The following AMPH variants were observed in gnomAD, a reference collection of about 807,000 sequenced individuals.
The protein encoded by AMPH is amphiphysin.
A neutral mutation model predicts 99.1 loss-of-function variants in AMPH; 49 were observed. The ratio of observed to expected loss-of-function variants is 0.49; its 90% confidence interval spans 0.39 to 0.63. AMPH has a LOEUF of 0.63. Among genes scored for constraint, AMPH ranks in the 20% least tolerant of loss-of-function variants. The probability of loss-of-function intolerance (pLI) is 0.00; values close to 1 mark genes in which losing one functional copy is unlikely to be tolerated. For synonymous variants in AMPH, 314 were observed against 317.3 expected (o/e 0.99, Z 0.11); for missense variants, 759 against 863.4 (o/e 0.88, Z 1.52).
At chr7:38,402,775 C>T (rs1784877628) in intron 17 of AMPH, among the ~76,000 whole-genome samples, 1 of 152,126 alleles carries the variant, frequency 6.6e-6, no homozygotes, top group East Asian at 1.9e-4. Flanking sequence ...AGGTATTATG[C>T]GTCAAGGATC....
At chr7:38,561,967 GT>G (rs546827916) in intron 1 of AMPH, among the ~76,000 whole-genome samples, 61 of 143,650 alleles carry the variant, frequency 4.2e-4, no homozygotes, top group Non-Finnish European at 4.1e-4. Flanking sequence ...CAGTCTATAT[GT>G]TTTTTTTTTT....
intron 2 of AMPH, among the ~76,000 whole-genome samples, chr7:38,520,406 G>T (rs1300039572): frequency 6.6e-6 from 1 of 152,160 alleles, no homozygotes; most frequent in East Asian, 1.9e-4. Flanking sequence ...AACGAGTGAG[G>T]CACATAATAT....
intron 2 of AMPH, among the ~76,000 whole-genome samples, chr7:38,510,169 TC>T (rs750778599): frequency 1.3e-5 from 2 of 152,098 alleles, no homozygotes; most frequent in Non-Finnish European, 2.9e-5. Context: ...AGGTGCAGTT[TC>T]CCCCCGTGGC....
intron 4 of AMPH, among the ~76,000 whole-genome samples, chr7:38,492,383 C>T (rs980861731): frequency 6.6e-6 from 1 of 152,216 alleles, no homozygotes; most frequent in African/African-American, 2.4e-5. Flanking sequence ...AAATGGCAAA[C>T]TTGGGCCCCT....
chr7:38,545,784 C>G (rs1022561270), intron 1 of AMPH, among the ~76,000 whole-genome samples: 1 of 152,088 alleles, frequency 6.6e-6, no homozygotes, highest in Non-Finnish European at 1.5e-5. Flanking sequence ...TGCAATATGC[C>G]CCAACTGCCA....
intron 1 of AMPH, among the ~76,000 whole-genome samples, chr7:38,594,938 A>AG (rs1792997160): frequency 6.6e-6 from 1 of 152,118 alleles, no homozygotes; most frequent in Non-Finnish European, 1.5e-5. Context: ...TAAAAAAACA[A>AG]GGGGGGGAAA....
chr7:38,424,919 T>C (rs73350725), intron 15 of AMPH, among the ~76,000 whole-genome samples: 8 of 152,232 alleles, frequency 5.3e-5, no homozygotes, highest in African/African-American at 1.9e-4. Flanking sequence ...AGAATCAAAA[T>C]GACAGTTTCT....
chr7:38,490,968 G>T (rs2043786), intron 5 of AMPH, 82 bp downstream of exon 5: 503,535 of 869,864 alleles, frequency 0.58, 148,154 homozygotes, highest in African/African-American at 0.73. Flanking sequence ...TTGAGGACTT[G>T]TAATAATTCT....
intron 20 of AMPH, among the ~76,000 whole-genome samples, chr7:38,387,534 C>T (rs1784380886): frequency 6.6e-6 from 1 of 151,942 alleles, no homozygotes; most frequent in East Asian, 1.9e-4. Flanking sequence ...CTCAAAGTAG[C>T]AGAGGAAACA....
chr7:38,506,650 T>C (rs73122240), intron 2 of AMPH, among the ~76,000 whole-genome samples: 9,309 of 152,288 alleles, frequency 0.061, 387 homozygotes, highest in Non-Finnish European at 0.087. Flanking sequence ...TCTGGGGGCA[T>C]TTAGTGGTTT....
intron 1 of AMPH, among the ~76,000 whole-genome samples, chr7:38,564,231 C>A (rs1012635570): frequency 6.6e-6 from 1 of 152,184 alleles, no homozygotes. Context: ...GGGTCTGGGG[C>A]TCCATCACCA....
At chr7:38,490,995 C>T (rs1384376902) in intron 5 of AMPH, 55 bp downstream of exon 5, 8 of 1,144,220 alleles carry the variant, frequency 7.0e-6, no homozygotes, top group Non-Finnish European at 1.0e-5. Flanking sequence ...GCCCATGTTT[C>T]AATAACTACA....
intron 11 of AMPH, among the ~76,000 whole-genome samples, chr7:38,450,052 G>A (rs545786186): frequency 2.6e-5 from 4 of 152,266 alleles, no homozygotes; most frequent in Admixed American, 2.6e-4. Flanking sequence ...AGACATAAGG[G>A]TAGAAAAGCC....
At chr7:38,588,754 T>C (rs56385396) in intron 1 of AMPH, among the ~76,000 whole-genome samples, 12,504 of 152,144 alleles carry the variant, frequency 0.082, 673 homozygotes, top group East Asian at 0.25. Context: ...TCAGAAAACC[T>C]ATTAGAACTG....
rs145628215 is a variant in AMPH at position 38,449,752 on chromosome 7, T to G, written c.1017+11531A>C. Among the ~76,000 whole-genome samples the G allele has an allele frequency of 1.1e-4, 17 of 152,336 alleles. No homozygotes were observed. The East Asian group carries it at 3.3e-3, about 29-fold the overall frequency. ...ACTAATTCTTTCTGTCTTAAAATAA[T>G]GTTAACATGTTTACTTTGAAAAATA... On this transcript the variant is annotated intron_variant, in intron 11 of 20. Transcript: ENST00000356264.
chr7:38,463,013 C>A lies in AMPH; in HGVS notation c.850G>T (p.Ala284Ser). The change falls in exon 10 of 21, where the codon GCG (alanine) becomes TCG (serine). Residue 284 changes from alanine to serine, a missense_variant. Transcript: ENST00000356264. ...TASPNHTLAPASPAPARPRSP... is the reference protein window; with the variant it reads ...TASPNHTLAPSSPAPARPRSP... ...CGAGGCCGTGCTGGTGCGGGAGACG[C>A]AGGTGCTAATGTATGATTTGGACTT... 6.2e-7 allele frequency: 1 copy of A among 1,603,918 alleles called. No individual in the cohort carries two copies. The highest frequency in any genetic ancestry group is 2.2e-5 in the East Asian group (1 of 44,730).
intron 1 of AMPH, among the ~76,000 whole-genome samples, chr7:38,572,873 C>G (rs7809622): frequency 5.8e-4 from 89 of 152,228 alleles, no homozygotes; most frequent in African/African-American, 2.0e-3. Flanking sequence ...GCAGAGGAAG[C>G]GTGAGCATGG....
intron 2 of AMPH, among the ~76,000 whole-genome samples, chr7:38,503,958 A>C (rs1027454956): frequency 6.6e-6 from 1 of 152,234 alleles, no homozygotes; most frequent in Non-Finnish European, 1.5e-5. Flanking sequence ...CACATCTTCT[A>C]ATTCAAGAGC....
intron 2 of AMPH, among the ~76,000 whole-genome samples, chr7:38,504,531 T>C (rs935567083): frequency 1.3e-5 from 2 of 152,162 alleles, no homozygotes; most frequent in Non-Finnish European, 2.9e-5. Flanking sequence ...TCAAGCAAGT[T>C]ACCACTGTGG....
Sources: allele counts gnomAD v4.1 joint callset (sites outside exome capture counted in the v4.1 genomes callset), GRCh38; gene constraint gnomAD v4.1.1; transcripts MANE v1.5; gene names NCBI Gene and HGNC (gene_info 2026-07-23, HGNC 2026-07-21).